The following LINC00632 variants were observed in gnomAD, a reference collection of about 807,000 sequenced individuals.
LINC00632 encodes the protein ALDOA related specific transcript.
At chrX:140,757,494 A>G (rs28501486) in intron 3 of LINC00632, among the ~76,000 whole-genome samples, 1 of 111,447 alleles carries the variant, frequency 9.0e-6, no homozygotes, top group Admixed American at 9.6e-5. Flanking sequence ...GAATAAACGG[A>G]GGGACACCAA....
At chrX:140,737,926 A>C (rs1320586282) in intron 3 of LINC00632, among the ~76,000 whole-genome samples, 1 of 112,206 alleles carries the variant, frequency 8.9e-6, no homozygotes, top group Non-Finnish European at 1.9e-5. Flanking sequence ...GTGCTGCAAT[A>C]AACATGGGAG....
At chrX:140,762,209 A>AAGAGAGAGAGAGAGAGAGAGAGAGAGAG (rs35880613) in intron 3 of LINC00632, among the ~76,000 whole-genome samples, 2 of 67,123 alleles carry the variant, frequency 3.0e-5, no homozygotes, top group African/African-American at 5.2e-5. Context: ...GTTTTTCGAA[A>AAGAGAGAGAGAGAGAGAGAGAGAGAGAG]AGAGAGAGAG....
At chrX:140,739,483 A>T (rs1471887731) in intron 3 of LINC00632, among the ~76,000 whole-genome samples, 1 of 111,071 alleles carries the variant, frequency 9.0e-6, no homozygotes, top group Non-Finnish European at 1.9e-5. Context: ...GGCCTCCCAA[A>T]GTGCTGGGAT....
chrX:140,747,746 A>G (rs1329494746), intron 3 of LINC00632, among the ~76,000 whole-genome samples: 1 of 111,408 alleles, frequency 9.0e-6, no homozygotes, highest in Non-Finnish European at 1.9e-5. Context: ...TATGGAAAGC[A>G]AAATTCCTCT....
intron 2 of LINC00632, among the ~76,000 whole-genome samples, chrX:140,724,227 TAC>T (rs1338804117): frequency 4.7e-5 from 3 of 63,353 alleles, no homozygotes; most frequent in African/African-American, 1.8e-4. Context: ...ACACATTCCA[TAC>T]ACACACAGAC....
chrX:140,738,265 A>G (rs1303020944), intron 3 of LINC00632, among the ~76,000 whole-genome samples: 1 of 112,192 alleles, frequency 8.9e-6, no homozygotes, highest in Admixed American at 9.5e-5. Context: ...TGAGCACCTG[A>G]AAGTGGATTC....
At chrX:140,712,585 G>C (rs1226276664) in intron 2 of LINC00632, among the ~76,000 whole-genome samples, 6 of 110,020 alleles carry the variant, frequency 5.5e-5, no homozygotes, top group Non-Finnish European at 3.8e-5. Context: ...ATTTAAAGGA[G>C]CTAGGGTGAG....
At chrX:140,732,132 A>G (rs1304900601) in intron 2 of LINC00632, among the ~76,000 whole-genome samples, 4 of 111,044 alleles carry the variant, frequency 3.6e-5, no homozygotes, top group Admixed American at 9.6e-5. Flanking sequence ...TGAACCCGGG[A>G]GGCAGAGGTT....
chrX:140,764,309 G>C (rs1033153983), intron 3 of LINC00632, among the ~76,000 whole-genome samples: 3 of 96,054 alleles, frequency 3.1e-5, no homozygotes, highest in Non-Finnish European at 6.2e-5. Flanking sequence ...GTCTCTTACC[G>C]CTCTGGACTT....
At chrX:140,746,791 C>T (rs909007408) in intron 3 of LINC00632, among the ~76,000 whole-genome samples, 2 of 111,981 alleles carry the variant, frequency 1.8e-5, no homozygotes, top group African/African-American at 6.5e-5. Context: ...CTTACATTGT[C>T]CCATATTTAT....
At chrX:140,741,632 T>C (rs142959767) in intron 3 of LINC00632, among the ~76,000 whole-genome samples, 1,589 of 111,953 alleles carry the variant, frequency 0.014, 22 homozygotes, top group African/African-American at 0.047. Context: ...AAGAGAATTG[T>C]ATTCAGAGCT....
At chrX:140,724,797 A>C (rs1306846485) in intron 2 of LINC00632, among the ~76,000 whole-genome samples, 2 of 70,278 alleles carry the variant, frequency 2.8e-5, no homozygotes, top group Non-Finnish European at 5.6e-5. Flanking sequence ...CATTCCATAC[A>C]CACAGAGACA....
At chrX:140,728,820 T>C (rs1454162388) in intron 2 of LINC00632, among the ~76,000 whole-genome samples, 1 of 111,595 alleles carries the variant, frequency 9.0e-6, no homozygotes, top group Non-Finnish European at 1.9e-5. Flanking sequence ...CTCCCCACAG[T>C]GCACTAACGT....
At chrX:140,741,679 T>A (rs1415827003) in intron 3 of LINC00632, among the ~76,000 whole-genome samples, 1 of 112,074 alleles carries the variant, frequency 8.9e-6, no homozygotes, top group Non-Finnish European at 1.9e-5. Flanking sequence ...CTTTTGTCTC[T>A]ATTGTATGAG....
At chrX:140,731,418 C>T (rs1373875876) in intron 2 of LINC00632, among the ~76,000 whole-genome samples, 3 of 111,461 alleles carry the variant, frequency 2.7e-5, no homozygotes. Context: ...TGGTAGAGCA[C>T]AAGGAATATG....
intron 3 of LINC00632, among the ~76,000 whole-genome samples, chrX:140,751,003 T>C (rs1196227461): frequency 8.9e-6 from 1 of 112,174 alleles, no homozygotes; most frequent in Non-Finnish European, 1.9e-5. Flanking sequence ...ATACCACATG[T>C]TCTTTATGCA....
chrX:140,728,487 A>T (rs1172673730), intron 2 of LINC00632, among the ~76,000 whole-genome samples: 2 of 109,585 alleles, frequency 1.8e-5, no homozygotes, highest in Non-Finnish European at 3.8e-5. Flanking sequence ...GGACTCACAG[A>T]CTTGCACCAC....
chrX:140,716,630 A>C (rs756714612), intron 2 of LINC00632, among the ~76,000 whole-genome samples: 17 of 110,125 alleles, frequency 1.5e-4, no homozygotes, highest in Admixed American at 3.9e-4. Flanking sequence ...CCAGAACCCT[A>C]ACCAGATATC....
chrX:140,710,407 GATGAAAAAATC>G (rs1930489828), intron 1 of LINC00632, among the ~76,000 whole-genome samples: 1 of 110,989 alleles, frequency 9.0e-6, no homozygotes, highest in Non-Finnish European at 1.9e-5. Context: ...TTGACTTTAG[GATGAAAAAATC>G]ATGAAAAAGT....
Sources: allele counts gnomAD v4.1 joint callset (sites outside exome capture counted in the v4.1 genomes callset), GRCh38; gene constraint gnomAD v4.1.1; transcripts MANE v1.5; gene names NCBI Gene and HGNC (gene_info 2026-07-23, HGNC 2026-07-21).